Variants in ROBO2 observed in about 807,000 individuals in gnomAD.
The protein encoded by ROBO2 is roundabout homolog 2.
Under a neutral mutation model 160.8 loss-of-function variants are expected in ROBO2, and 53 were observed. The observed-to-expected ratio is 0.33, with a 90% CI of 0.26 to 0.41. ROBO2 has a LOEUF of 0.41. Ranked by LOEUF, ROBO2 falls within the 10% of genes least tolerant of loss-of-function variation. The pLI, the probability that ROBO2 is intolerant of heterozygous loss-of-function variation, is 1.00. For missense variants in ROBO2, 1,577 were observed against 1,722.4 expected (o/e 0.92, Z 1.49); for synonymous variants, 664 against 611.7 (o/e 1.09, Z -1.26).
chr3:76,711,035 T>C (rs183022945), intron 2 of ROBO2, among the ~76,000 whole-genome samples: 3 of 152,344 alleles, frequency 2.0e-5, no homozygotes, highest in Admixed American at 6.5e-5. Flanking sequence ...GACTGGTCCA[T>C]AGAAAATTTA....
In ROBO2 at chr3:77,203,868, G is replaced by T. The variant is rs146282215; in HGVS notation, c.388+105528G>T. Among the ~76,000 whole-genome samples, 338 of 152,306 alleles carry T rather than the reference G, an allele frequency of 2.2e-3. 2 individuals are homozygous for T. The highest frequency in any genetic ancestry group is 7.9e-3 in the African/African-American group (327 of 41,544). ...ACTGAAGTACAAGTGAATTATGGAT[G>T]TCTTCAAGGCCACACAGCTTCCAAA... On this transcript the variant is annotated intron_variant, in intron 2 of 25. Coordinates refer to ENST00000461745, the Ensembl canonical transcript of ROBO2.
At chr3:76,848,228 T>C (rs1207688330) in intron 2 of ROBO2, among the ~76,000 whole-genome samples, 2 of 152,292 alleles carry the variant, frequency 1.3e-5, no homozygotes, top group Admixed American at 6.5e-5. Context: ...ATAAATCTTA[T>C]ATTGAATTAA....
At position 76,965,440 on chromosome 3, in the gene ROBO2, C is replaced by T. The variant is rs536585472; in HGVS notation, c.110-132574C>T. Among the ~76,000 whole-genome samples, 4 of 152,266 alleles carry T rather than the reference C, an allele frequency of 2.6e-5. No homozygotes were observed. The South Asian group carries it at 6.2e-4, about 24-fold the overall frequency. The stretch of plus-strand genomic sequence containing the variant: ...ATAAATGTCTGCAAATGCTTCAGCT[C>T]TTATTCCCCAATTGTTGCATACATA... On this transcript the variant is annotated intron_variant, in intron 2 of 26. Transcript: ENST00000487694.
chr3:76,233,840 A>G (rs1375049686), intron 2 of ROBO2, among the ~76,000 whole-genome samples: 1 of 152,120 alleles, frequency 6.6e-6, no homozygotes, highest in Non-Finnish European at 1.5e-5. Flanking sequence ...TTTTAGGTTT[A>G]GGGTTACATG....
At chr3:75,937,717 G>A (rs1393779158) in intron 2 of ROBO2, 5 of 570,964 alleles carry the variant, frequency 8.8e-6, no homozygotes, top group South Asian at 6.7e-5. Context: ...TTTCCCCCAG[G>A]TTTTTGTTAC....
chr3:76,198,503 T>C (rs1238509985), intron 2 of ROBO2, among the ~76,000 whole-genome samples: 1 of 152,172 alleles, frequency 6.6e-6, no homozygotes, highest in Non-Finnish European at 1.5e-5. Context: ...ATGTATTTCT[T>C]TGACATATTT....
At chr3:76,847,622 T>C (rs1408634825) in intron 2 of ROBO2, among the ~76,000 whole-genome samples, 2 of 152,142 alleles carry the variant, frequency 1.3e-5, no homozygotes, top group African/African-American at 2.4e-5. Context: ...AAGAGAGCTA[T>C]AGACACCCTA....
Position 76,722,470 on chromosome 3 carries a change from T to C in ROBO2, c.110-375544T>C, listed in dbSNP as rs1289323456. ...TGATTGAGAGACAGTTTACCTACCA[T>C]AAAGTCCACCAGCTTAAAGTACACA... is the stretch of plus-strand genomic sequence containing the variant. On this transcript the variant is annotated intron_variant, in intron 2 of 26. Transcript: ENST00000487694. Among the ~76,000 whole-genome samples the C allele has an allele frequency of 3.9e-5, 6 of 152,152 alleles. No homozygotes were observed. In the South Asian group the frequency reaches 1.0e-3, roughly 26 times the overall value.
intron 2 of ROBO2, among the ~76,000 whole-genome samples, chr3:76,964,045 A>G (rs1468705883): frequency 1.3e-5 from 2 of 152,154 alleles, no homozygotes; most frequent in Non-Finnish European, 2.9e-5. Flanking sequence ...AGAACAGAAA[A>G]TGTGATTTAA....
intron 1 of ROBO2, among the ~76,000 whole-genome samples, chr3:77,058,230 A>T (rs916408611): frequency 6.6e-6 from 1 of 152,330 alleles, no homozygotes; most frequent in South Asian, 2.1e-4. Context: ...CTTGATAGCC[A>T]TCTAGTTTTA....
chr3:76,955,047 T>G (rs531091201), intron 2 of ROBO2, among the ~76,000 whole-genome samples: 5 of 152,270 alleles, frequency 3.3e-5, no homozygotes, highest in African/African-American at 1.2e-4. Flanking sequence ...CTGAACCCTC[T>G]GCTAACCTCT....
intron 2 of ROBO2, among the ~76,000 whole-genome samples, chr3:76,233,484 T>C (rs954588358): frequency 6.6e-6 from 1 of 152,172 alleles, no homozygotes; most frequent in Non-Finnish European, 1.5e-5. Context: ...CAGTAGATAA[T>C]GGATCTGCCC....
chr3:76,973,475 TATA>T (rs1316392001), intron 2 of ROBO2, among the ~76,000 whole-genome samples: 18 of 152,146 alleles, frequency 1.2e-4, no homozygotes, highest in Admixed American at 1.1e-3. Context: ...AAAGAATAAT[TATA>T]ATATTCATAT....
At chr3:76,875,549 C>A (rs2072620322) in intron 2 of ROBO2, among the ~76,000 whole-genome samples, 1 of 152,134 alleles carries the variant, frequency 6.6e-6, no homozygotes, top group Admixed American at 6.5e-5. Flanking sequence ...CTGACTGGAT[C>A]TATTCCTTGC....
chr3:77,109,309 A>C (rs1432609861), intron 2 of ROBO2, among the ~76,000 whole-genome samples: 1 of 152,228 alleles, frequency 6.6e-6, no homozygotes, highest in African/African-American at 2.4e-5. Context: ...AACAGTGTGA[A>C]TATACTTAAC....
chr3:77,538,998 AG>A, intron 6 of ROBO2: 1 of 393,804 alleles, frequency 2.5e-6, no homozygotes, highest in Non-Finnish European at 5.0e-6. Flanking sequence ...GCTCACTGCA[AG>A]CTCCGCCTCC....
intron 9 of ROBO2, among the ~76,000 whole-genome samples, chr3:77,562,219 A>C (rs2093344674): frequency 6.6e-6 from 1 of 152,178 alleles, no homozygotes; most frequent in South Asian, 2.1e-4. Context: ...TTATTCATTG[A>C]AACATAGTTT....
chr3:77,323,486 A>G (rs2065032108), intron 2 of ROBO2, among the ~76,000 whole-genome samples: 1 of 152,190 alleles, frequency 6.6e-6, no homozygotes, highest in South Asian at 2.1e-4. Context: ...AAATTAATCA[A>G]GAAAAAGAGC....
chr3:77,509,326 G>A (rs544768644), intron 5 of ROBO2, among the ~76,000 whole-genome samples: 1 of 151,994 alleles, frequency 6.6e-6, no homozygotes, highest in South Asian at 2.1e-4. Flanking sequence ...AAGTTCCCCT[G>A]CATCTTGTCT....
Sources: allele counts gnomAD v4.1 joint callset (sites outside exome capture counted in the v4.1 genomes callset), GRCh38; gene constraint gnomAD v4.1.1; transcripts MANE v1.5; gene names NCBI Gene and HGNC (gene_info 2026-07-23, HGNC 2026-07-21).